PIGG: variants seen among roughly 807,000 people sequenced by gnomAD.
The protein encoded by PIGG is phosphatidylinositol glycan anchor biosynthesis class G (EMM blood group).
Under a neutral mutation model 83.2 loss-of-function variants are expected in PIGG, and 70 were observed. The observed-to-expected ratio is 0.84, with a 90% CI of 0.69 to 1.03. PIGG has a LOEUF of 1.03. Among genes scored for constraint, PIGG ranks in the 50% least tolerant of loss-of-function variants. The pLI is 0.00. For synonymous variants in PIGG, 532 were observed against 519.5 expected, an observed-to-expected ratio of 1.02 and a Z score of -0.33; for missense variants, 1,257 against 1,233.6, an observed-to-expected ratio of 1.02 and a Z score of -0.28.
chr4:522,123 G>A, intron 8 of PIGG, 182 bp downstream of exon 8: 1 of 667,192 alleles, frequency 1.5e-6, no homozygotes, highest in Admixed American at 2.2e-5. Flanking sequence ...CAGGCCTCTG[G>A]GTGTCCCGAC....
At position 521,036 on chromosome 4, in the gene PIGG, CCTTT is replaced by C. The variant is rs752193728; in HGVS notation, c.1115-17_1115-14del. 22 of 1,575,382 alleles carry C rather than the reference CCTTT, an allele frequency of 1.4e-5. No individual in the cohort carries two copies. Among genetic ancestry groups the C allele is most frequent in the Non-Finnish European group, 1.8e-5 (21 of 1,144,618 alleles). The stretch of plus-strand genomic sequence containing the variant: ...TCACGGTGTGTGTGCGCGCCTGTAA[CCTTT>C]CTGTCTTCTTAATAGATCCTGGGTT... On this transcript the variant is annotated splice_polypyrimidine_tract_variant and intron_variant, in intron 6 of 12. Transcript: ENST00000453061.
chr4:505,177 G>T (rs959626100), intron 2 of PIGG, among the ~76,000 whole-genome samples: 1 of 152,098 alleles, frequency 6.6e-6, no homozygotes, highest in Non-Finnish European at 1.5e-5. Context: ...TTCTCTGGCT[G>T]TTGCCGTCGT....
At chr4:527,576 C>T in intron 10 of PIGG, 4 of 1,027,654 alleles carry the variant, frequency 3.9e-6, no homozygotes, top group Non-Finnish European at 4.7e-6. Flanking sequence ...TTAGTGGCAG[C>T]ACGTGATGGC....
chr4:510,406 G>T (rs911912381), intron 5 of PIGG, among the ~76,000 whole-genome samples: 1 of 152,238 alleles, frequency 6.6e-6, no homozygotes, highest in African/African-American at 2.4e-5. Flanking sequence ...GGCGGGCCAG[G>T]TGTTCCTTAC....
chr4:521,908 C>T lies in PIGG; in HGVS notation c.1581C>T (p.Thr527=), dbSNP rs143989093. 2.9e-4 allele frequency: 472 copies of T among 1,614,174 alleles called. 3 individuals are homozygous for T. The African/African-American group carries it at 5.7e-3, about 20-fold the overall frequency. Reference sequence around the variant, plus strand: ...TGTGTGTGATTGTGTCTGTTCTGACCAACGTGCTCGTGGGTGGAAACACCC... The same window carrying T: ...TGTGTGTGATTGTGTCTGTTCTGACTAACGTGCTCGTGGGTGGAAACACCC... ...ALLCVIVSVL[T]NVLVGGNTPR... is the part of the protein sequence containing the mutation. The change falls in exon 8 of 13, where the codon ACC becomes ACT. Residue 527 remains threonine, a synonymous_variant. Transcript: ENST00000453061.
chr4:500,965 CTAGACTT>C, intron 2 of PIGG: 1 of 387,766 alleles, frequency 2.6e-6, no homozygotes, highest in Non-Finnish European at 5.0e-6. Flanking sequence ...AGTTCAGTCT[CTAGACTT>C]TATAGATAGG....
Position 539,473 on chromosome 4 carries a change from C to T in PIGG, c.*104C>T. On this transcript the variant is annotated 3_prime_UTR_variant, in exon 13 of 13. Coordinates refer to ENST00000453061, the MANE Select transcript of PIGG (RefSeq NM_001127178.3). ...GTTGATGGATAACTTTCTTTGACTG[C>T]TCTACCTGAATTTAGACTAAGCAGT... is the stretch of plus-strand genomic sequence containing the variant. 1 of 678,996 alleles carries T rather than the reference C, an allele frequency of 1.5e-6. No homozygotes were observed. The allele number at this position is 678,996 out of a possible 1,614,324, so 42.1% of individuals were successfully genotyped here.
chr4:507,585 C>T lies in PIGG; in HGVS notation c.751C>T (p.Gln251Ter), dbSNP rs782797418. ...SVLMKIHTSL[Q>*]SKERETPLPN... ...GCTGATGAAGATCCACACCTCACTG[C>T]AGTCGAAGGTGAGGCTCGCCGTCGC... Residue 251 changes from glutamine to a stop codon, truncating the protein, a stop_gained, in exon 4 of 13, where the codon CAG becomes TAG. Coordinates refer to ENST00000453061, the MANE Select transcript of PIGG (RefSeq NM_001127178.3). LOFTEE classifies it high-confidence loss of function. 1.9e-6 allele frequency: 3 copies of T among 1,610,402 alleles called. No homozygotes were observed. The highest frequency in any genetic ancestry group is 4.5e-5 in the East Asian group (2 of 44,776).
At position 521,939 on chromosome 4, in the gene PIGG, A is replaced by G. The variant is rs1179830505; in HGVS notation, c.1612A>G (p.Lys538Glu). 6.2e-7 allele frequency: 1 copy of G among 1,614,036 alleles called. No individual in the cohort carries two copies. ...NVLVGGNTPR[K>E]NPMHPSSRWS... ...GCTCGTGGGTGGAAACACCCCAAGG[A>G]AGGTACGTACGGCTGGTTCCTGGGA... The change falls in exon 8 of 13, where the codon AAG (lysine) becomes GAG (glutamate). Residue 538 changes from lysine to glutamate, a missense_variant and splice_region_variant. By Grantham distance (56) the Lys-to-Glu change is moderately conservative (BLOSUM62 1). Coordinates refer to ENST00000453061, the MANE Select transcript of PIGG (RefSeq NM_001127178.3).
rs370385328 is a variant in PIGG at position 505,728 on chromosome 4, C to T, written c.371C>T (p.Thr124Met). ...ATTTTCTGACTGCAGGCATTGATGA[C>T]GGGGAGCCTTCCTGGCTTTGTCGAC... Reference protein sequence around the residue: ...VTMPRIKALMTGSLPGFVDVI... With the variant: ...VTMPRIKALMMGSLPGFVDVI... The change falls in exon 3 of 13, where the codon ACG becomes ATG. Residue 124 changes from threonine (T) to methionine (M), a missense_variant. Thr to Met is a moderately conservative substitution (Grantham distance 81, BLOSUM62 -1). Coordinates refer to ENST00000453061, the MANE Select transcript of PIGG (RefSeq NM_001127178.3). The T allele has an allele frequency of 7.8e-5, 125 of 1,612,300 alleles. No homozygotes were observed. The highest frequency in any genetic ancestry group is 1.7e-4 in the Middle Eastern group (1 of 6,056).
At position 528,570 on chromosome 4, in the gene PIGG, A is replaced by T. The variant is rs906183027; in HGVS notation, c.2261+1340A>T. 30 of 985,314 alleles carry T rather than the reference A, an allele frequency of 3.0e-5. No homozygotes were observed. The highest frequency in any genetic ancestry group is 5.2e-4 in the Middle Eastern group (1 of 1,914). The allele number at this position is 985,314 out of a possible 1,614,324, so 61.0% of individuals were successfully genotyped here. On this transcript the variant is annotated intron_variant, in intron 10 of 12. Transcript: ENST00000453061. This position sits in a 1 kb window ranked among gnomAD's most constrained non-coding sequence, Gnocchi z 4.8. Reference sequence around the variant, plus strand: ...GGGGCCGGGGCCTGGGGCAGAGAGGATGCTGACGTGCAGGTACCAGCGGTG... The same window carrying T: ...GGGGCCGGGGCCTGGGGCAGAGAGGTTGCTGACGTGCAGGTACCAGCGGTG...
Position 507,604 on chromosome 4 carries a change from C to T in PIGG, c.759+11C>T, listed in dbSNP as rs1407872193. ...TCACTGCAGTCGAAGGTGAGGCTCG[C>T]CGTCGCTCACTGTCTGCTGATGTGG... On this transcript the variant is annotated intron_variant, in intron 4 of 12. Coordinates refer to ENST00000453061, the MANE Select transcript of PIGG (RefSeq NM_001127178.3). 8 of 1,602,088 alleles carry T rather than the reference C, an allele frequency of 5.0e-6. No homozygotes were observed. The highest frequency in any genetic ancestry group is 2.2e-5 in the East Asian group (1 of 44,596).
chr4:538,707 T>C (rs1163498762), intron 12 of PIGG, among the ~76,000 whole-genome samples: 1 of 152,142 alleles, frequency 6.6e-6, no homozygotes, highest in East Asian at 1.9e-4. Context: ...ACCAACCACA[T>C]CCAGATTTCT....
intron 8 of PIGG, among the ~76,000 whole-genome samples, chr4:523,069 C>T (rs1023965276): frequency 6.6e-6 from 1 of 152,174 alleles, no homozygotes; most frequent in Admixed American, 6.5e-5. Flanking sequence ...CTTCCAGAGC[C>T]TGGAAGCGGG....
At position 523,463 on chromosome 4, in the gene PIGG, C is replaced by G. The variant is rs1433009389; in HGVS notation, c.1619C>G (p.Pro540Arg). 6.2e-7 allele frequency: 1 copy of G among 1,602,168 alleles called. No homozygotes were observed. Among genetic ancestry groups the G allele is most frequent in the African/African-American group, 1.3e-5 (1 of 74,526 alleles). ...AGTGCACTTTCCTTTTCACAGAACC[C>G]CATGCATCCCAGCTCAAGGTGGTCA... ...LVGGNTPRKN[P>R]MHPSSRWSEL... The change falls in exon 9 of 13, where the codon CCC (proline) becomes CGC (arginine). Residue 540 changes from proline to arginine, a missense_variant. Transcript: ENST00000453061.
chr4:512,522 T>TA (rs1722385367), intron 5 of PIGG, among the ~76,000 whole-genome samples: 1 of 152,096 alleles, frequency 6.6e-6, no homozygotes, highest in South Asian at 2.1e-4. Context: ...TGATGCTTTT[T>TA]AAAAAATAAT....
chr4:539,234 A>T lies in PIGG; in HGVS notation c.2817A>T (p.Thr939=). The change falls in exon 13 of 13, where the codon ACA becomes ACT. Residue 939 remains threonine, a synonymous_variant. Transcript: ENST00000453061. ...IPVFTYIVLV[T]SLRYHLFIWS... ...TTTTCACGTACATCGTTTTGGTGAC[A>T]TCTCTGCGTTATCATTTATTTATAT... 2 of 1,612,870 alleles carry T rather than the reference A, an allele frequency of 1.2e-6. No homozygotes were observed. The highest frequency in any genetic ancestry group is 1.7e-6 in the Non-Finnish European group (2 of 1,178,798).
intron 4 of PIGG, 143 bp downstream of exon 4, chr4:507,736 GCAGCACTGT>G (rs1553880670): frequency 1.4e-6 from 1 of 696,292 alleles, no homozygotes; most frequent in Non-Finnish European, 2.4e-6. Context: ...TGCCACACGG[GCAGCACTGT>G]CTCAGTGTCC....
chr4:511,475 A>ATCATCTGTG (rs1553883403), intron 5 of PIGG, among the ~76,000 whole-genome samples: 3 of 152,004 alleles, frequency 2.0e-5, no homozygotes, highest in African/African-American at 7.3e-5. Flanking sequence ...TTTTGTGTGG[A>ATCATCTGTG]TGTATATTTC....
Sources: allele counts gnomAD v4.1 joint callset (sites outside exome capture counted in the v4.1 genomes callset), GRCh38; gene constraint gnomAD v4.1.1; non-coding constraint Gnocchi (gnomAD v3.1); transcripts MANE v1.5; gene names NCBI Gene and HGNC (gene_info 2026-07-23, HGNC 2026-07-21).